Variants in THSD7B observed in about 807,000 individuals in gnomAD.
THSD7B encodes the protein thrombospondin type 1 domain containing 7B.
In THSD7B, 138 loss-of-function variants were observed where a neutral mutation model predicts 213.6. The ratio of observed to expected loss-of-function variants is 0.65; its 90% confidence interval spans 0.56 to 0.74. The LOEUF is 0.74. Among genes scored for constraint, THSD7B ranks in the 30% least tolerant of loss-of-function variants. THSD7B has a pLI of 0.00. For missense variants in THSD7B, 1,931 were observed against 1,991.5 expected (o/e 0.97, Z 0.58); for synonymous variants, 742 against 687.0 (o/e 1.08, Z -1.25).
chr2:137,398,175 T>C (rs1253034641), intron 12 of THSD7B, among the ~76,000 whole-genome samples: 11 of 150,596 alleles, frequency 7.3e-5, no homozygotes, highest in Non-Finnish European at 1.2e-4. Flanking sequence ...GTCAAAGTCA[T>C]TCTCCATCCA....
At chr2:137,167,737 C>A (rs1318764482) in intron 6 of THSD7B, among the ~76,000 whole-genome samples, 1 of 152,158 alleles carries the variant, frequency 6.6e-6, no homozygotes, top group Non-Finnish European at 1.5e-5. Flanking sequence ...CCTGCAGATA[C>A]TAGTTTCACT....
At chr2:136,950,065 A>G (rs1241529997) in intron 2 of THSD7B, among the ~76,000 whole-genome samples, 3 of 152,146 alleles carry the variant, frequency 2.0e-5, no homozygotes, top group Non-Finnish European at 2.9e-5. Context: ...AAGCCTGGCC[A>G]CTATGGTGAA....
chr2:137,262,052 C>G (rs1007754687), intron 10 of THSD7B, among the ~76,000 whole-genome samples: 3 of 152,036 alleles, frequency 2.0e-5, no homozygotes, highest in Non-Finnish European at 4.4e-5. Context: ...GATGCAAGGA[C>G]CCAGTGGTGC....
intron 5 of THSD7B, among the ~76,000 whole-genome samples, chr2:137,143,834 A>C (rs1047143119): frequency 2.6e-5 from 4 of 152,104 alleles, no homozygotes; most frequent in African/African-American, 9.7e-5. Flanking sequence ...TAGTTCTTCC[A>C]TATACTGTAT....
intron 1 of THSD7B, among the ~76,000 whole-genome samples, chr2:136,813,006 T>C (rs1404338284): frequency 6.6e-6 from 1 of 152,204 alleles, no homozygotes; most frequent in Non-Finnish European, 1.5e-5. Context: ...TGGCCGGCAA[T>C]TAAATGAAAT....
At chr2:136,768,337 A>C (rs932594535) in intron 1 of THSD7B, among the ~76,000 whole-genome samples, 1 of 152,248 alleles carries the variant, frequency 6.6e-6, no homozygotes, top group Non-Finnish European at 1.5e-5. Context: ...ATTCTAAAGC[A>C]TGTCAACTCA....
At chr2:136,990,483 G>T (rs930484304) in intron 2 of THSD7B, among the ~76,000 whole-genome samples, 2 of 152,174 alleles carry the variant, frequency 1.3e-5, no homozygotes, top group African/African-American at 2.4e-5. Flanking sequence ...GAACTGTAGG[G>T]GGGGGACCAT....
intron 1 of THSD7B, among the ~76,000 whole-genome samples, chr2:136,803,643 A>T (rs1454359692): frequency 6.6e-6 from 1 of 152,224 alleles, no homozygotes; most frequent in Non-Finnish European, 1.5e-5. Context: ...AGCAAGACAG[A>T]TATGTAAGAA....
chr2:137,006,412 A>G (rs1686113355), intron 2 of THSD7B, among the ~76,000 whole-genome samples: 1 of 139,442 alleles, frequency 7.2e-6, no homozygotes, highest in Admixed American at 7.0e-5. Context: ...ACATACATAC[A>G]TACATACATA....
At chr2:137,271,113 G>C (rs1682722404) in intron 10 of THSD7B, among the ~76,000 whole-genome samples, 1 of 151,538 alleles carries the variant, frequency 6.6e-6, no homozygotes, top group South Asian at 2.1e-4. Context: ...TTAACTTCTT[G>C]ATATGGGTAG....
At chr2:136,815,940 A>T (rs535902580) in intron 1 of THSD7B, among the ~76,000 whole-genome samples, 80 of 152,132 alleles carry the variant, frequency 5.3e-4, no homozygotes, top group African/African-American at 1.9e-3. Flanking sequence ...GCTGGAGTGC[A>T]GTGGTGTGAT....
intron 14 of THSD7B, among the ~76,000 whole-genome samples, chr2:137,441,755 C>G (rs1687416482): frequency 6.6e-6 from 1 of 152,042 alleles, no homozygotes; most frequent in Admixed American, 6.6e-5. Context: ...CAGAATCTCT[C>G]ATTTTGTCAA....
chr2:137,065,408 T>A (rs1687356928), intron 3 of THSD7B, among the ~76,000 whole-genome samples: 4 of 152,030 alleles, frequency 2.6e-5, no homozygotes, highest in African/African-American at 9.7e-5. Context: ...TTTTTGTGGA[T>A]TTTTTCGGTT....
Position 137,411,890 on chromosome 2 carries a change from G to A in THSD7B, c.2959+18G>A, listed in dbSNP as rs1262953924. The A allele has an allele frequency of 6.2e-7, 1 of 1,613,290 alleles. No homozygotes were observed. ...CAGCTCTGGTAAGGAGATGGATGGA[G>A]AGTAACAGATGAGAACACTCACACA... On this transcript the variant is annotated intron_variant, in intron 14 of 27. Coordinates refer to ENST00000409968, the MANE Select transcript of THSD7B (RefSeq NM_001316349.2).
chr2:136,850,785 T>C (rs1339327923), intron 1 of THSD7B, among the ~76,000 whole-genome samples: 2 of 152,022 alleles, frequency 1.3e-5, no homozygotes, highest in East Asian at 3.8e-4. Context: ...GAATATTTTG[T>C]GCTCACTATT....
rs377295764 is a variant in THSD7B at position 137,397,021 on chromosome 2, T to A, written c.2501-8592T>A. Among the ~76,000 whole-genome samples the A allele has an allele frequency of 8.8e-3, 1,013 of 115,514 alleles. 3 individuals are homozygous for A. The highest frequency in any genetic ancestry group is 9.2e-3 in the South Asian group (31 of 3,380). 75.8% of individuals were successfully genotyped at this position (115,514 alleles called of 152,430 possible). ...TTTTTGTTTTCCATTTTCTTGGTAG[T>A]TCTTCCTCCATCCTTTTATTTTGAG... is the stretch of plus-strand genomic sequence containing the variant. On this transcript the variant is annotated intron_variant, in intron 12 of 27. Coordinates refer to ENST00000409968, the MANE Select transcript of THSD7B (RefSeq NM_001316349.2).
At chr2:137,373,897 A>G (rs904816244) in intron 12 of THSD7B, among the ~76,000 whole-genome samples, 8 of 152,204 alleles carry the variant, frequency 5.3e-5, no homozygotes. Flanking sequence ...GAAGGGATCC[A>G]GTTTCAGCTT....
intron 14 of THSD7B, among the ~76,000 whole-genome samples, chr2:137,444,305 T>C (rs887064676): frequency 6.6e-6 from 1 of 152,034 alleles, no homozygotes; most frequent in Non-Finnish European, 1.5e-5. Context: ...GGATTGAGAT[T>C]TTAAGTAAGC....
At chr2:137,659,857 G>A in intron 25 of THSD7B, 111 bp downstream of exon 25, 1 of 981,962 alleles carries the variant, frequency 1.0e-6, no homozygotes, top group Non-Finnish European at 1.5e-6. Flanking sequence ...ACGTGCCCAT[G>A]ATACCATCTA....
Sources: gnomAD v4.1 joint callset for allele counts (sites outside exome capture counted in the v4.1 genomes callset) on GRCh38, gnomAD v4.1.1 for gene constraint, MANE v1.5 for transcripts, NCBI Gene and HGNC (gene_info 2026-07-23, HGNC 2026-07-21) for gene names.